The following NDST4 variants were observed in gnomAD, a reference collection of about 807,000 sequenced individuals.
NDST4 encodes the protein N-deacetylase and N-sulfotransferase 4, also known as N-heparan sulfate sulfotransferase 4.
In NDST4, 63 loss-of-function variants were observed where a neutral mutation model predicts 100.8. That is an observed-to-expected ratio of 0.62 (90% CI 0.51 to 0.77). The LOEUF (loss-of-function observed/expected upper bound fraction) is 0.77. NDST4 is among the 30% of genes least tolerant of loss of function. The pLI is 0.00. For missense variants in NDST4, 943 were observed against 1,018.4 expected (o/e 0.93, Z 1.01); for synonymous variants, 377 against 361.8 (o/e 1.04, Z -0.48).
intron 2 of NDST4, among the ~76,000 whole-genome samples, chr4:115,042,547 T>C (rs1013142315): frequency 6.6e-6 from 1 of 152,150 alleles, no homozygotes; most frequent in Non-Finnish European, 1.5e-5. Flanking sequence ...TGTTCTATTT[T>C]ATTATCTGTT....
chr4:115,034,131 G>A lies in NDST4; in HGVS notation c.978+41928C>T, dbSNP rs62315300. The stretch of plus-strand genomic sequence containing the variant: ...CTCCTTCTTATGGGGACCACACTCG[G>A]ATCCTGCTTATTCTTGAGTAGTAGC... On this transcript the variant is annotated intron_variant, in intron 2 of 13. Coordinates refer to ENST00000264363, the MANE Select transcript of NDST4 (RefSeq NM_022569.3). 2.9e-3 allele frequency among the ~76,000 whole-genome samples: 447 copies of A among 152,156 alleles called. 1 individual carries two copies. The highest frequency in any genetic ancestry group is 5.3e-3 in the Non-Finnish European group (360 of 67,984).
chr4:114,959,661 G>A (rs935120899), intron 4 of NDST4, among the ~76,000 whole-genome samples: 5 of 151,952 alleles, frequency 3.3e-5, no homozygotes, highest in Admixed American at 2.0e-4. Flanking sequence ...ACCATATCAG[G>A]GTTCAACAAG....
At chr4:114,954,764 G>A (rs535077495) in intron 4 of NDST4, among the ~76,000 whole-genome samples, 11 of 152,244 alleles carry the variant, frequency 7.2e-5, no homozygotes, top group African/African-American at 2.6e-4. Context: ...CGTTGGAGAT[G>A]AAGCCTGGTA....
chr4:115,020,867 A>C (rs1727796074), intron 2 of NDST4, among the ~76,000 whole-genome samples: 1 of 152,042 alleles, frequency 6.6e-6, no homozygotes, highest in East Asian at 1.9e-4. Context: ...ATATGATACC[A>C]CCTTACTCCT....
intron 2 of NDST4, among the ~76,000 whole-genome samples, chr4:115,032,932 C>G (rs1334766135): frequency 6.6e-6 from 1 of 151,518 alleles, no homozygotes; most frequent in Non-Finnish European, 1.5e-5. Context: ...CATGTTGATT[C>G]CTTTGAATTC....
intron 6 of NDST4, among the ~76,000 whole-genome samples, chr4:114,924,626 T>C (rs1200007426): frequency 3.3e-5 from 5 of 152,052 alleles, no homozygotes; most frequent in Admixed American, 3.3e-4. Context: ...TCTAGAGAAG[T>C]AGATTTCACT....
At chr4:114,844,522 T>G (rs1723502653) in intron 10 of NDST4, among the ~76,000 whole-genome samples, 1 of 152,208 alleles carries the variant, frequency 6.6e-6, no homozygotes, top group South Asian at 2.1e-4. Flanking sequence ...CCACCTTTCT[T>G]CTATTCTCAC....
chr4:114,894,936 A>G (rs545227446), intron 6 of NDST4, among the ~76,000 whole-genome samples: 2 of 152,264 alleles, frequency 1.3e-5, no homozygotes, highest in South Asian at 4.1e-4. Flanking sequence ...GTTTATTGAG[A>G]GTTTTTAACA....
At chr4:115,049,746 G>A (rs1476767779) in intron 2 of NDST4, among the ~76,000 whole-genome samples, 1 of 152,120 alleles carries the variant, frequency 6.6e-6, no homozygotes, top group Non-Finnish European at 1.5e-5. Context: ...GAGGGCCAGT[G>A]AGGTAAAAGT....
chr4:114,921,468 C>T (rs1467635785), intron 6 of NDST4, among the ~76,000 whole-genome samples: 1 of 152,102 alleles, frequency 6.6e-6, no homozygotes, highest in Non-Finnish European at 1.5e-5. Flanking sequence ...TGTAAATAAA[C>T]CCAGCACTCA....
chr4:114,902,574 T>G (rs1724867916), intron 6 of NDST4, among the ~76,000 whole-genome samples: 1 of 152,046 alleles, frequency 6.6e-6, no homozygotes, highest in African/African-American at 2.4e-5. Flanking sequence ...CTCCTTGATA[T>G]TCTCTGAGGT....
At chr4:115,069,507 CT>C (rs1315660199) in intron 2 of NDST4, among the ~76,000 whole-genome samples, 4 of 152,166 alleles carry the variant, frequency 2.6e-5, no homozygotes, top group Admixed American at 1.3e-4. Flanking sequence ...TGAACAGACA[CT>C]TTTCAAAAGT....
rs1453745778 is a variant in NDST4 at position 115,031,591 on chromosome 4, C to T, written c.978+44468G>A. On this transcript the variant is annotated intron_variant, in intron 2 of 13. Coordinates refer to ENST00000264363, the MANE Select transcript of NDST4 (RefSeq NM_022569.3). ...GTTCTCCTAAGAAATCTTTCTCTAC[C>T]CACACTCAGGTTCCATGCTAGCTCT... 2.6e-5 allele frequency among the ~76,000 whole-genome samples: 4 copies of T among 152,026 alleles called. No individual in the cohort carries two copies. The South Asian group carries it at 6.2e-4, about 24-fold the overall frequency.
chr4:114,892,147 C>T (rs1724612125), intron 6 of NDST4, among the ~76,000 whole-genome samples: 1 of 152,018 alleles, frequency 6.6e-6, no homozygotes, highest in African/African-American at 2.4e-5. Context: ...ATTGGAAGCT[C>T]CTTGAAAGTA....
At chr4:115,087,634 C>A (rs1729434824) in intron 1 of NDST4, among the ~76,000 whole-genome samples, 1 of 151,656 alleles carries the variant, frequency 6.6e-6, no homozygotes, top group Non-Finnish European at 1.5e-5. Context: ...GATTTCCTAT[C>A]TTGATTTTTT....
At chr4:115,030,170 ATAGGTTTGTGAAAATATAT>A (rs1728085024) in intron 2 of NDST4, among the ~76,000 whole-genome samples, 1 of 152,154 alleles carries the variant, frequency 6.6e-6, no homozygotes, top group Admixed American at 6.6e-5. Flanking sequence ...AACAGAAACA[ATAGGTTTGTGAAAATATAT>A]TAGGTTTGTG....
At chr4:115,032,509 A>G (rs1305289222) in intron 2 of NDST4, among the ~76,000 whole-genome samples, 2 of 152,150 alleles carry the variant, frequency 1.3e-5, no homozygotes, top group African/African-American at 2.4e-5. Context: ...GAAACCAAAA[A>G]AGAAGAGATA....
chr4:115,080,105 A>G (rs1245536840), intron 1 of NDST4, among the ~76,000 whole-genome samples: 1 of 152,110 alleles, frequency 6.6e-6, no homozygotes, highest in Non-Finnish European at 1.5e-5. Context: ...TTGGGGAATT[A>G]CTAATACTCT....
chr4:115,076,307 G>A lies in NDST4; in HGVS notation c.730C>T (p.Leu244=). 1.2e-6 allele frequency: 2 copies of A among 1,613,982 alleles called. No individual in the cohort carries two copies. The highest frequency in any genetic ancestry group is 8.5e-7 in the Non-Finnish European group (1 of 1,179,928). The change falls in exon 2 of 14, where the codon CTG becomes TTG. Residue 244 remains leucine (L), a synonymous_variant. Transcript: ENST00000264363. The stretch of plus-strand genomic sequence containing the variant: ...AGTGTTTTGCTAGACAAGGATGACA[G>A]GGATTTTTCTGTCTGTAACTCAGTT... ...LLTELQTEKS[L]SSLSSKTLFA...
Sources: gnomAD v4.1 joint callset for allele counts (sites outside exome capture counted in the v4.1 genomes callset) on GRCh38, gnomAD v4.1.1 for gene constraint, MANE v1.5 for transcripts, NCBI Gene and HGNC (gene_info 2026-07-23, HGNC 2026-07-21) for gene names.